ARHGAP40: variants seen among roughly 807,000 people sequenced by gnomAD.
ARHGAP40 encodes Rho GTPase activating protein 40.
Under a neutral mutation model 73.5 loss-of-function variants are expected in ARHGAP40, and 43 were observed. The ratio of observed to expected loss-of-function variants is 0.58; its 90% CI spans 0.46 to 0.75. The LOEUF is 0.75. ARHGAP40 is among the 30% of genes least tolerant of loss of function. The pLI, the probability that ARHGAP40 is intolerant of heterozygous loss-of-function variation, is 0.00. For missense variants in ARHGAP40, 734 were observed against 861.8 expected (o/e 0.85, Z 1.86); for synonymous variants, 300 against 352.8 (o/e 0.85, Z 1.68).
chr20:38,624,564 C>T (rs1231740411), intron 2 of ARHGAP40, among the ~76,000 whole-genome samples: 1 of 152,154 alleles, frequency 6.6e-6, no homozygotes, highest in African/African-American at 2.4e-5. Flanking sequence ...CTCCTCCCAC[C>T]CTGACTGGCT....
intron 1 of ARHGAP40, among the ~76,000 whole-genome samples, chr20:38,607,924 A>AT (rs755371803): frequency 7.2e-5 from 11 of 151,994 alleles, no homozygotes; most frequent in Non-Finnish European, 1.5e-4. Context: ...TTCCCAGTAG[A>AT]TTTTTTGGGT....
Position 38,646,832 on chromosome 20 carries a change from G to A in ARHGAP40, c.1711-125G>A. On this transcript the variant is annotated intron_variant, in intron 12 of 14. Transcript: ENST00000373345. This position sits in a 1 kb window ranked among gnomAD's most constrained non-coding sequence, Gnocchi z 4.5. ...CCAAGTGTCCGGTATGCGTGTGTGT[G>A]TATCTTGTGATTTTCAGCGTGGGCA... is the stretch of plus-strand genomic sequence containing the variant. 1 of 834,784 alleles carries A rather than the reference G, an allele frequency of 1.2e-6. No individual in the cohort carries two copies. The highest frequency in any genetic ancestry group is 1.7e-6 in the Non-Finnish European group (1 of 594,358). The allele number at this position is 834,784 out of a possible 1,614,324, so 51.7% of individuals were successfully genotyped here.
At chr20:38,614,391 T>C (rs2088822327) in intron 1 of ARHGAP40, among the ~76,000 whole-genome samples, 1 of 152,146 alleles carries the variant, frequency 6.6e-6, no homozygotes, top group Admixed American at 6.5e-5. Flanking sequence ...CCATTTTTAT[T>C]GTGGATCGGG....
intron 1 of ARHGAP40, among the ~76,000 whole-genome samples, chr20:38,620,737 C>T (rs753036080): frequency 2.6e-5 from 4 of 152,148 alleles, no homozygotes; most frequent in Non-Finnish European, 4.4e-5. Flanking sequence ...ATGCCGGAGC[C>T]GTTGCCAGGA....
At chr20:38,630,977 C>T (rs934413564) in intron 5 of ARHGAP40, among the ~76,000 whole-genome samples, 1 of 152,194 alleles carries the variant, frequency 6.6e-6, no homozygotes, top group African/African-American at 2.4e-5. Context: ...GTTCCCAAGG[C>T]TTCCAGTGCC....
rs138059252 is a variant in ARHGAP40 at position 38,639,518 on chromosome 20, T to G, written c.1279+132T>G. 1,662 of 1,079,262 alleles carry G rather than the reference T, an allele frequency of 1.5e-3. 28 individuals are homozygous for G. In the African/African-American group the frequency reaches 0.025, roughly 16 times the overall value. 66.9% of individuals were successfully genotyped at this position (1,079,262 alleles called of 1,614,324 possible). ...GTCTGTTCCAGAAATGTCCAACTGATGGGGGAAGAAGCAAGTGTGAACATG... is the reference window on the plus strand; with the variant it reads ...GTCTGTTCCAGAAATGTCCAACTGAGGGGGGAAGAAGCAAGTGTGAACATG... On this transcript the variant is annotated intron_variant, in intron 9 of 14. Transcript: ENST00000373345.
intron 2 of ARHGAP40, among the ~76,000 whole-genome samples, chr20:38,624,496 C>T (rs1456360733): frequency 3.3e-5 from 5 of 152,172 alleles, no homozygotes; most frequent in Non-Finnish European, 5.9e-5. Flanking sequence ...AATAAAGCCA[C>T]CAGATCATAA....
intron 2 of ARHGAP40, among the ~76,000 whole-genome samples, chr20:38,624,985 C>G (rs1437229139): frequency 6.6e-6 from 1 of 152,264 alleles, no homozygotes; most frequent in African/African-American, 2.4e-5. Flanking sequence ...ACATTCCCCT[C>G]CTCCATCCTT....
intron 1 of ARHGAP40, among the ~76,000 whole-genome samples, chr20:38,622,603 A>G (rs1223748094): frequency 6.6e-6 from 1 of 152,174 alleles, no homozygotes; most frequent in Non-Finnish European, 1.5e-5. Context: ...TGTGGGAGTC[A>G]GGGCTCTAGG....
chr20:38,616,404 G>A (rs1256975504), intron 1 of ARHGAP40, among the ~76,000 whole-genome samples: 3 of 152,346 alleles, frequency 2.0e-5, no homozygotes, highest in Non-Finnish European at 1.5e-5. Flanking sequence ...TCAGGTGATA[G>A]GGATAAGAGC....
intron 6 of ARHGAP40, 92 bp from the exon 7 acceptor site, chr20:38,637,616 T>C: frequency 9.9e-7 from 1 of 1,005,538 alleles, no homozygotes. Flanking sequence ...GGAAAAGGGG[T>C]CTGATTCTAG....
exon 5 of ARHGAP40, chr20:38,629,606 C>T: frequency 7.7e-7 from 1 of 1,305,420 alleles, no homozygotes; most frequent in Non-Finnish European, 1.0e-6. Flanking sequence ...GAGGAGCAGG[C>T]CATCCCGGGG....
At chr20:38,624,482 G>A (rs924230186) in intron 2 of ARHGAP40, among the ~76,000 whole-genome samples, 6 of 152,152 alleles carry the variant, frequency 3.9e-5, no homozygotes, top group South Asian at 2.1e-4. Context: ...ATTTGGGGAC[G>A]TGTAATAAAG....
At position 38,611,041 on chromosome 20, in the gene ARHGAP40, C is replaced by G. The variant is rs564989471; in HGVS notation, c.137+8962C>G. Among the ~76,000 whole-genome samples the G allele has an allele frequency of 2.0e-5, 3 of 152,102 alleles. No homozygotes were observed. The Middle Eastern group carries it at 0.01, about 517-fold the overall frequency. On this transcript the variant is annotated intron_variant, in intron 1 of 14. Coordinates refer to ENST00000373345, the Ensembl canonical transcript of ARHGAP40. ...AGTAGCTGGGATTACAGGCACCCAC[C>G]ACCACACCTGGATAATTTTTGTATT... is the stretch of plus-strand genomic sequence containing the variant.
At position 38,639,387 on chromosome 20, in the gene ARHGAP40, G is replaced by A. The variant is rs376961025; in HGVS notation, c.1279+1G>A. On this transcript the variant is annotated splice_donor_variant, in intron 9 of 14. Coordinates refer to ENST00000373345, the Ensembl canonical transcript of ARHGAP40. LOFTEE classifies it high-confidence loss of function. ...CTCCCGGCCTTCGCCGTGGTGCCTA[G>A]TGAGTGTGCCCAAGCCCTTAGCCTG... 15 of 1,305,480 alleles carry A rather than the reference G, an allele frequency of 1.1e-5. No individual in the cohort carries two copies. Among genetic ancestry groups the A allele is most frequent in the South Asian group, 8.6e-5 (7 of 81,034 alleles). The allele number at this position is 1,305,480 out of a possible 1,614,324, so 80.9% of individuals were successfully genotyped here.
intron 1 of ARHGAP40, among the ~76,000 whole-genome samples, chr20:38,605,795 C>T (rs778685028): frequency 7.2e-5 from 11 of 152,112 alleles, no homozygotes; most frequent in South Asian, 4.1e-4. Context: ...TACTTACATA[C>T]GTGAATTGGT....
intron 1 of ARHGAP40, among the ~76,000 whole-genome samples, chr20:38,614,134 C>T (rs2088820156): frequency 6.6e-6 from 1 of 152,160 alleles, no homozygotes. Flanking sequence ...GAGTGTTACA[C>T]TCAGAGGGGC....
rs573514559 is a variant in ARHGAP40 at position 38,634,661 on chromosome 20, A to T, written c.825A>T (p.Ile275=). The T allele has an allele frequency of 3.2e-5, 42 of 1,305,454 alleles. No individual in the cohort carries two copies. In the East Asian group the frequency reaches 2.1e-3, roughly 64 times the overall value. The allele number at this position is 1,305,454 out of a possible 1,614,324, so 80.9% of individuals were successfully genotyped here. Reference sequence around the variant, plus strand: ...AAGGCAGACTTGGCGTGACGAGGATAGGAGACTTGTCCCTGCAGGATATGA... The same window carrying T: ...AAGGCAGACTTGGCGTGACGAGGATTGGAGACTTGTCCCTGCAGGATATGA... Residue 275 remains isoleucine (I), a synonymous_variant, in exon 6 of 15, where the codon ATA becomes ATT. Transcript: ENST00000373345.
intron 1 of ARHGAP40, among the ~76,000 whole-genome samples, chr20:38,621,749 T>C (rs6026865): frequency 6.6e-6 from 1 of 152,120 alleles, no homozygotes; most frequent in Admixed American, 6.5e-5. Flanking sequence ...TAAGGGAAAA[T>C]ATAGCTAACA....
Sources: gnomAD v4.1 joint callset for allele counts (sites outside exome capture counted in the v4.1 genomes callset) on GRCh38, gnomAD v4.1.1 for gene constraint, Gnocchi (gnomAD v3.1) non-coding constraint, MANE v1.5 for transcripts, NCBI Gene and HGNC (gene_info 2026-07-23, HGNC 2026-07-21) for gene names.